The following CDCP1 variants were observed in gnomAD, a reference collection of about 807,000 sequenced individuals.
CDCP1 encodes CUB domain-containing protein 1.
Under a neutral mutation model 60.2 loss-of-function variants are expected in CDCP1, and 29 were observed. The ratio of observed to expected loss-of-function variants is 0.48; its 90% CI spans 0.36 to 0.66. The LOEUF is 0.66. Ranked by LOEUF, CDCP1 falls within the 30% of genes least tolerant of loss-of-function variation. The probability of loss-of-function intolerance (pLI) is 0.00; values close to 1 mark genes in which losing one functional copy is unlikely to be tolerated. For synonymous variants in CDCP1, 387 were observed against 431.1 expected (o/e 0.90, Z 1.27); for missense variants, 876 against 1,074.3 (o/e 0.82, Z 2.58).
chr3:45,111,954 G>T, intron 3 of CDCP1, 129 bp downstream of exon 3: 1 of 1,210,962 alleles, frequency 8.3e-7, no homozygotes, highest in Non-Finnish European at 1.1e-6. Flanking sequence ...TTATAAGAGA[G>T]CTAGATCTTC....
At chr3:45,130,348 T>C (rs1020958324) in intron 1 of CDCP1, among the ~76,000 whole-genome samples, 1 of 152,124 alleles carries the variant, frequency 6.6e-6, no homozygotes, top group Non-Finnish European at 1.5e-5. Flanking sequence ...CTTGAACTCC[T>C]GGGCTCAAGC....
chr3:45,091,702 G>T lies in CDCP1; in HGVS notation c.1628-164C>A, dbSNP rs115038233. Among the ~76,000 whole-genome samples, 1,595 of 152,336 alleles carry T rather than the reference G, an allele frequency of 0.01. 22 individuals are homozygous for T. The highest frequency in any genetic ancestry group is 0.035 in the African/African-American group (1,462 of 41,570). The stretch of plus-strand genomic sequence containing the variant: ...TAGATCTGCACCATCTGATAGGGTA[G>T]CCACCAGCTATATGTCTGCTGAGCC... On this transcript the variant is annotated intron_variant, in intron 6 of 8. Coordinates refer to ENST00000296129, the MANE Select transcript of CDCP1 (RefSeq NM_022842.5). This position sits in a 1 kb window ranked among gnomAD's most constrained non-coding sequence, Gnocchi z 4.8.
chr3:45,137,159 C>A (rs1238627465), intron 1 of CDCP1, among the ~76,000 whole-genome samples: 2 of 152,188 alleles, frequency 1.3e-5, no homozygotes, highest in African/African-American at 4.8e-5. Flanking sequence ...GTGCACTATT[C>A]CAGAAGTAAT....
At chr3:45,090,464 T>C (rs1319143314) in intron 7 of CDCP1, among the ~76,000 whole-genome samples, 1 of 152,240 alleles carries the variant, frequency 6.6e-6, no homozygotes, top group Non-Finnish European at 1.5e-5. Flanking sequence ...AAAAACCATG[T>C]ACCTGTCAGA....
intron 1 of CDCP1, among the ~76,000 whole-genome samples, chr3:45,131,341 G>A (rs141112633): frequency 2.4e-3 from 372 of 152,226 alleles, no homozygotes; most frequent in African/African-American, 7.8e-3. Flanking sequence ...TTTAAAGTGT[G>A]TAGTTCAGAA....
Position 45,110,568 on chromosome 3 carries a change from T to C in CDCP1, c.929A>G (p.Asn310Ser). 1.9e-6 allele frequency: 3 copies of C among 1,613,986 alleles called. No homozygotes were observed. The highest frequency in any genetic ancestry group is 2.5e-6 in the Non-Finnish European group (3 of 1,179,986). The change falls in exon 4 of 9, where the codon AAC becomes AGC. Residue 310 changes from asparagine (N) to serine (S), a missense_variant. Asn to Ser is a conservative substitution (Grantham distance 46). This residue lies in a region of CDCP1 where 726 missense variants were observed against 935.7 expected (regional missense o/e 0.78). Transcript: ENST00000296129. ...TTGGTCACAGCCTTGCAGAGAGAGGTTGAAGTTCCCCGCCATGTTCCCAGG... is the reference window on the plus strand; with the variant it reads ...TTGGTCACAGCCTTGCAGAGAGAGGCTGAAGTTCCCCGCCATGTTCCCAGG... ...KQPGNMAGNF[N>S]LSLQGCDQDA...
intron 1 of CDCP1, among the ~76,000 whole-genome samples, chr3:45,137,375 T>C (rs927295543): frequency 6.6e-6 from 1 of 152,160 alleles, no homozygotes; most frequent in Non-Finnish European, 1.5e-5. Flanking sequence ...GTATTCCAGG[T>C]TCCTGCCTGG....
At chr3:45,102,833 A>AT (rs1698502340) in intron 4 of CDCP1, among the ~76,000 whole-genome samples, 2 of 151,678 alleles carry the variant, frequency 1.3e-5, no homozygotes, top group African/African-American at 2.4e-5. Flanking sequence ...ACACCCAGCT[A>AT]TTTTTTGTAG....
Position 45,118,454 on chromosome 3 carries a change from T to G in CDCP1, c.250A>C (p.Ser84Arg). The change falls in exon 2 of 9, where the codon AGT becomes CGT. Residue 84 changes from serine to arginine, a missense_variant. By Grantham distance (110) the Ser-to-Arg change is moderately radical (BLOSUM62 -1). This residue lies in a region of CDCP1 where 150 missense variants were observed against 138.6 expected (regional missense o/e 1.08). Coordinates refer to ENST00000296129, the MANE Select transcript of CDCP1 (RefSeq NM_022842.5). ...ERIVFTFSCQ[S>R]PENHFVIEIQ... is the part of the protein sequence containing the mutation. ...TCTATGACAAAGTGATTCTCAGGAC[T>G]CTGGCAGCTAAAGGTAAAGACTATT... The G allele has an allele frequency of 6.2e-7, 1 of 1,614,172 alleles. No homozygotes were observed. Among genetic ancestry groups the G allele is most frequent in the Non-Finnish European group, 8.5e-7 (1 of 1,179,990 alleles).
Position 45,085,935 on chromosome 3 carries a change from C to T in CDCP1, c.2214G>A (p.Glu738=), listed in dbSNP as rs1404874081. 4 of 1,614,164 alleles carry T rather than the reference C, an allele frequency of 2.5e-6. No homozygotes were observed. The Admixed American group carries it at 6.7e-5, about 27-fold the overall frequency. The part of the protein sequence containing the change: ...DNDSHVYAVI[E]DTMVYGHLLQ... ...GCAGATGCCCATATACCATGGTGTC[C>T]TCGATGACTGCATACACATGGGAGT... The change falls in exon 9 of 9, where the codon GAG becomes GAA. Residue 738 remains glutamate, a synonymous_variant. Transcript: ENST00000296129. This position sits in a 1 kb window ranked among gnomAD's most constrained non-coding sequence, Gnocchi z 4.2.
Position 45,113,439 on chromosome 3 carries a change from A to G in CDCP1, c.293-994T>C, listed in dbSNP as rs181505505. 5.9e-5 allele frequency among the ~76,000 whole-genome samples: 9 copies of G among 152,368 alleles called. No homozygotes were observed. In the East Asian group the frequency reaches 1.5e-3, roughly 26 times the overall value. On this transcript the variant is annotated intron_variant, in intron 2 of 8. Transcript: ENST00000296129. ...GGACGAAACAGAAAGTAGGCAATGT[A>G]ACATTAAGGTTTTGTTGTTTTGAGC...
chr3:45,089,366 C>A (rs1433489073), intron 7 of CDCP1, among the ~76,000 whole-genome samples: 1 of 152,194 alleles, frequency 6.6e-6, no homozygotes. Flanking sequence ...CTGGGCCTAA[C>A]TTTTAAGAGG....
chr3:45,105,707 T>A (rs961693802), intron 4 of CDCP1, among the ~76,000 whole-genome samples: 12 of 152,186 alleles, frequency 7.9e-5, no homozygotes, highest in African/African-American at 2.4e-4. Flanking sequence ...ATAATATAGA[T>A]GGGTAGAATA....
intron 1 of CDCP1, among the ~76,000 whole-genome samples, chr3:45,135,659 G>T (rs754056097): frequency 6.6e-6 from 1 of 152,098 alleles, no homozygotes; most frequent in Non-Finnish European, 1.5e-5. Flanking sequence ...TGGGGTTATT[G>T]GTAATTAATA....
At chr3:45,132,129 G>A (rs964011130) in intron 1 of CDCP1, among the ~76,000 whole-genome samples, 10 of 152,034 alleles carry the variant, frequency 6.6e-5, no homozygotes, top group South Asian at 4.2e-4. Context: ...CCAGCTACTC[G>A]GGAGGCTGAG....
chr3:45,110,387 AG>A (rs1698665259), intron 4 of CDCP1, 85 bp downstream of exon 4: 2 of 1,527,854 alleles, frequency 1.3e-6, no homozygotes, highest in African/African-American at 2.8e-5. Flanking sequence ...GATGAGAAAC[AG>A]GAAGGGAGCC....
intron 8 of CDCP1, 32 bp downstream of exon 8, chr3:45,089,022 A>G: frequency 6.4e-7 from 1 of 1,553,318 alleles, no homozygotes; most frequent in South Asian, 1.1e-5. Context: ...GAGGCATCAA[A>G]TCAGATAAAG....
chr3:45,106,470 T>C (rs1698567663), intron 4 of CDCP1, among the ~76,000 whole-genome samples: 1 of 152,132 alleles, frequency 6.6e-6, no homozygotes, highest in South Asian at 2.1e-4. Flanking sequence ...GGGCTGTGGG[T>C]TCTTATGGTG....
chr3:45,130,609 C>T (rs1056896329), intron 1 of CDCP1, among the ~76,000 whole-genome samples: 3 of 152,158 alleles, frequency 2.0e-5, no homozygotes, highest in African/African-American at 7.2e-5. Flanking sequence ...CCTCAAGGTA[C>T]TAGGTTCTTG....
Sources: gnomAD v4.1 joint callset for allele counts (sites outside exome capture counted in the v4.1 genomes callset) on GRCh38, gnomAD v4.1.1 for gene constraint, gnomAD v4.1.1 regional missense constraint, Gnocchi (gnomAD v3.1) non-coding constraint, MANE v1.5 for transcripts, NCBI Gene and HGNC (gene_info 2026-07-23, HGNC 2026-07-21) for gene names.